Variants in LIN28B observed in about 807,000 individuals in gnomAD.
LIN28B encodes protein lin-28 homolog B.
A neutral mutation model predicts 21.9 loss-of-function variants in LIN28B; 5 were observed. The observed-to-expected ratio is 0.23, with a 90% CI of 0.12 to 0.48. The LOEUF (loss-of-function observed/expected upper bound fraction) is 0.48. Ranked by LOEUF, LIN28B falls within the 20% of genes least tolerant of loss-of-function variation. The pLI, the probability that LIN28B is intolerant of heterozygous loss-of-function variation, is 0.98. For synonymous variants in LIN28B, 109 were observed against 111.3 expected (o/e 0.98, Z 0.13); for missense variants, 245 against 310.5 (o/e 0.79, Z 1.58).
intron 2 of LIN28B, among the ~76,000 whole-genome samples, chr6:104,948,871 A>G (rs1035523482): frequency 6.6e-6 from 1 of 152,224 alleles, no homozygotes; most frequent in African/African-American, 2.4e-5. Context: ...TGAATAGTGA[A>G]AAATCTGAAT....
Position 105,080,305 on chromosome 6 carries a change from G to T in LIN28B, c.*1522G>T, listed in dbSNP as rs1160846865. The T allele has an allele frequency of 6.6e-6, 1 of 152,598 alleles. No individual in the cohort carries two copies. Among genetic ancestry groups the T allele is most frequent in the Non-Finnish European group, 1.5e-5 (1 of 68,032 alleles). The allele number at this position is 152,598 out of a possible 1,614,324, so 9.5% of individuals were successfully genotyped here. Reference sequence around the variant, plus strand: ...AGTTAATTATAGTGCTTAATATTGGGAATAAGATTAAGCATTATAATTATA... The same window carrying T: ...AGTTAATTATAGTGCTTAATATTGGTAATAAGATTAAGCATTATAATTATA... On this transcript the variant is annotated 3_prime_UTR_variant, in exon 4 of 4. Transcript: ENST00000345080.
intron 2 of LIN28B, among the ~76,000 whole-genome samples, chr6:104,962,295 G>A (rs1769763264): frequency 6.6e-6 from 1 of 151,952 alleles, no homozygotes; most frequent in South Asian, 2.1e-4. Context: ...CAAAATGACT[G>A]CAATTTAGCT....
At chr6:105,067,923 T>C (rs116210635) in intron 3 of LIN28B, among the ~76,000 whole-genome samples, 1 of 152,312 alleles carries the variant, frequency 6.6e-6, no homozygotes, top group Non-Finnish European at 1.5e-5. Flanking sequence ...TGTTTGCTTT[T>C]AAAACTGCTA....
intron 2 of LIN28B, among the ~76,000 whole-genome samples, chr6:104,988,937 AT>A (rs1447050329): frequency 6.6e-6 from 1 of 152,032 alleles, no homozygotes; most frequent in Non-Finnish European, 1.5e-5. Context: ...TTTTCAGGGA[AT>A]TTGTGTATTT....
chr6:104,980,395 G>A (rs1035209345), intron 2 of LIN28B, among the ~76,000 whole-genome samples: 3 of 152,160 alleles, frequency 2.0e-5, no homozygotes, highest in Non-Finnish European at 4.4e-5. Context: ...AATGATGCAG[G>A]TGTTAAAACG....
In LIN28B at chr6:105,027,779, C is replaced by G. The variant is rs146237584; in HGVS notation, c.383+1297C>G. Among the ~76,000 whole-genome samples, 477 of 152,136 alleles carry G rather than the reference C, an allele frequency of 3.1e-3. 5 individuals carry two copies. The highest frequency in any genetic ancestry group is 0.011 in the African/African-American group (456 of 41,538). On this transcript the variant is annotated intron_variant, in intron 3 of 3. Coordinates refer to ENST00000345080, the MANE Select transcript of LIN28B (RefSeq NM_001004317.4). ...TATATTTTACACTTAAGTATCTCTT[C>G]TCTTTATAATCTAATTTGCTTTTGA... is the stretch of plus-strand genomic sequence containing the variant.
chr6:105,028,374 A>G (rs1269779648), intron 3 of LIN28B, among the ~76,000 whole-genome samples: 1 of 152,234 alleles, frequency 6.6e-6, no homozygotes, highest in African/African-American at 2.4e-5. Flanking sequence ...AGCTGCAATG[A>G]CAGCACAATG....
intron 3 of LIN28B, among the ~76,000 whole-genome samples, chr6:105,074,954 G>A (rs1034220628): frequency 8.6e-5 from 13 of 151,986 alleles, no homozygotes; most frequent in South Asian, 2.1e-4. Context: ...TGATCTGTCC[G>A]CCTCAGCCTC....
At chr6:105,071,680 C>G (rs893367479) in intron 3 of LIN28B, among the ~76,000 whole-genome samples, 1 of 152,130 alleles carries the variant, frequency 6.6e-6, no homozygotes, top group Non-Finnish European at 1.5e-5. Flanking sequence ...AATTTACATT[C>G]ACTCCAACCA....
At chr6:105,023,513 A>T (rs564481590) in intron 2 of LIN28B, among the ~76,000 whole-genome samples, 1 of 1,144 alleles carries the variant, frequency 8.7e-4, no homozygotes, top group African/African-American at 1.8e-3. Context: ...ATATTATATA[A>T]TATATATAAT....
intron 2 of LIN28B, among the ~76,000 whole-genome samples, chr6:104,967,870 A>T (rs1438365621): frequency 6.6e-6 from 1 of 151,928 alleles, no homozygotes; most frequent in Non-Finnish European, 1.5e-5. Flanking sequence ...GCTAATTTTT[A>T]AAATTTTTTG....
At chr6:105,046,280 C>G (rs551198963) in intron 3 of LIN28B, among the ~76,000 whole-genome samples, 12,855 of 151,970 alleles carry the variant, frequency 0.085, 555 homozygotes, top group African/African-American at 0.1. Context: ...GGTTTTTTGT[C>G]CTTGCGATAG....
chr6:105,000,988 T>C (rs2114289959), intron 2 of LIN28B, among the ~76,000 whole-genome samples: 1 of 151,870 alleles, frequency 6.6e-6, no homozygotes, highest in South Asian at 2.1e-4. Flanking sequence ...AAAACATATA[T>C]ATATTGACAT....
intron 2 of LIN28B, among the ~76,000 whole-genome samples, chr6:105,011,105 T>C (rs1582894183): frequency 6.6e-6 from 1 of 152,340 alleles, no homozygotes; most frequent in South Asian, 2.1e-4. Context: ...GTTTATAATA[T>C]GCTAATAGCC....
At chr6:105,069,154 G>T (rs564839727) in intron 3 of LIN28B, among the ~76,000 whole-genome samples, 1 of 152,240 alleles carries the variant, frequency 6.6e-6, no homozygotes, top group South Asian at 2.1e-4. Flanking sequence ...GGAGGTGGAG[G>T]TTGCAGTGAG....
chr6:105,070,006 C>G (rs944746495), intron 3 of LIN28B, among the ~76,000 whole-genome samples: 10 of 152,250 alleles, frequency 6.6e-5, no homozygotes, highest in African/African-American at 2.2e-4. Context: ...CACCCCTCCC[C>G]TCTTCCTTTC....
intron 3 of LIN28B, among the ~76,000 whole-genome samples, chr6:105,027,061 T>A (rs1223104530): frequency 6.6e-6 from 1 of 152,182 alleles, no homozygotes; most frequent in African/African-American, 2.4e-5. Flanking sequence ...ATTTAAAGAA[T>A]AATATGTTAG....
chr6:105,027,457 C>A (rs1168607108), intron 3 of LIN28B, among the ~76,000 whole-genome samples: 1 of 151,726 alleles, frequency 6.6e-6, no homozygotes, highest in East Asian at 1.9e-4. Context: ...TTGTACATTT[C>A]TTGTCCATTG....
chr6:105,051,610 T>C (rs1394544437), intron 3 of LIN28B, among the ~76,000 whole-genome samples: 1 of 152,084 alleles, frequency 6.6e-6, no homozygotes, highest in Non-Finnish European at 1.5e-5. Context: ...GTAATCTCCA[T>C]GAGAACAAGG....
Sources: gnomAD v4.1 joint callset for allele counts (sites outside exome capture counted in the v4.1 genomes callset) on GRCh38, gnomAD v4.1.1 for gene constraint, MANE v1.5 for transcripts, NCBI Gene and HGNC (gene_info 2026-07-23, HGNC 2026-07-21) for gene names.